Variants in TBCD observed in about 807,000 individuals in gnomAD.
TBCD encodes tubulin folding cofactor D.
In TBCD, 105 loss-of-function variants were observed where a neutral mutation model predicts 169.3. That is an observed-to-expected ratio of 0.62 (90% CI 0.53 to 0.73). The LOEUF is 0.73. Ranked by LOEUF, TBCD falls within the 30% of genes least tolerant of loss-of-function variation. The pLI is 0.00. For missense variants in TBCD, 1,444 were observed against 1,600.1 expected (o/e 0.90, Z 1.66); for synonymous variants, 700 against 643.9 (o/e 1.09, Z -1.32).
intron 13 of TBCD, among the ~76,000 whole-genome samples, chr17:82,828,385 T>TACAA (rs138156874): frequency 7.2e-6 from 1 of 139,526 alleles, no homozygotes; most frequent in South Asian, 2.4e-4. Flanking sequence ...CACTCACAGA[T>TACAA]ACATGCACAC....
At chr17:82,904,886 C>T (rs1370943814) in intron 19 of TBCD, among the ~76,000 whole-genome samples, 1 of 152,162 alleles carries the variant, frequency 6.6e-6, no homozygotes, top group African/African-American at 2.4e-5. Flanking sequence ...TTGTCCTCCA[C>T]CCGGTTGAAG....
intron 27 of TBCD, among the ~76,000 whole-genome samples, chr17:82,925,611 C>G (rs1291483096): frequency 6.6e-6 from 1 of 152,204 alleles, no homozygotes. Context: ...CCACGCCCTT[C>G]CCTCCCCATG....
chr17:82,786,821 CTTT>C (rs71168154), intron 7 of TBCD, among the ~76,000 whole-genome samples: 10,503 of 110,146 alleles, frequency 0.095, 1,139 homozygotes, highest in African/African-American at 0.28. Context: ...CGGTTCTTTA[CTTT>C]TTTTTTTTTT....
At chr17:82,855,012 G>A (rs1361990882) in intron 13 of TBCD, among the ~76,000 whole-genome samples, 1 of 152,114 alleles carries the variant, frequency 6.6e-6, no homozygotes, top group Admixed American at 6.5e-5. Context: ...GAATTCTGGG[G>A]AACAGAAGCA....
Position 82,767,963 on chromosome 17 carries a change from A to G in TBCD, c.436-457A>G, listed in dbSNP as rs115035133. Among the ~76,000 whole-genome samples the G allele has an allele frequency of 7.1e-3, 1,074 of 151,812 alleles. 14 individuals carry two copies. Among genetic ancestry groups the G allele is most frequent in the African/African-American group, 0.024 (977 of 41,398 alleles). ...AGCGAGACTCCATCTCAAAAAAAAA[A>G]AAAGGAACTCCTGACCTCAGGTGAT... On this transcript the variant is annotated intron_variant, in intron 4 of 38. Transcript: ENST00000355528.
intron 5 of TBCD, among the ~76,000 whole-genome samples, chr17:82,771,047 CAAAAAAAA>C (rs36015818): frequency 5.2e-5 from 2 of 38,692 alleles, no homozygotes; most frequent in Non-Finnish European, 1.3e-4. Context: ...GACTCCGTCT[CAAAAAAAA>C]AAAAAAAAAA....
chr17:82,916,400 G>A (rs1434419668), intron 23 of TBCD, among the ~76,000 whole-genome samples: 3 of 151,934 alleles, frequency 2.0e-5, no homozygotes, highest in African/African-American at 7.3e-5. Context: ...ATGCGCCACC[G>A]TGGCAGGCTA....
At chr17:82,935,955 G>A (rs923424002) in intron 34 of TBCD, among the ~76,000 whole-genome samples, 5 of 152,126 alleles carry the variant, frequency 3.3e-5, no homozygotes, top group Non-Finnish European at 7.4e-5. Context: ...ATTTTCAGAG[G>A]GTATATAGAA....
chr17:82,752,767 G>T (rs1442534295), intron 1 of TBCD, among the ~76,000 whole-genome samples: 1 of 152,248 alleles, frequency 6.6e-6, no homozygotes, highest in Non-Finnish European at 1.5e-5. Context: ...CAGCCCTGCA[G>T]TGTGGACTCC....
intron 34 of TBCD, among the ~76,000 whole-genome samples, chr17:82,934,990 G>T (rs2062499624): frequency 1.3e-5 from 2 of 152,152 alleles, no homozygotes; most frequent in Non-Finnish European, 2.9e-5. Context: ...CTTGGGCCTG[G>T]GAGGCGAAGG....
chr17:82,928,262 C>T (rs2061922988), intron 30 of TBCD, among the ~76,000 whole-genome samples: 1 of 152,180 alleles, frequency 6.6e-6, no homozygotes, highest in African/African-American at 2.4e-5. Flanking sequence ...GTGCTCTGGC[C>T]AGTTTGATGA....
intron 23 of TBCD, among the ~76,000 whole-genome samples, chr17:82,917,944 G>A (rs1226501586): frequency 1.3e-5 from 2 of 152,234 alleles, no homozygotes; most frequent in African/African-American, 4.8e-5. Flanking sequence ...GGCACTTCCT[G>A]TGTGTTTTCA....
chr17:82,847,977 C>T (rs542851720), intron 13 of TBCD, among the ~76,000 whole-genome samples: 5 of 152,298 alleles, frequency 3.3e-5, no homozygotes, highest in South Asian at 2.1e-4. Context: ...TTTTTTCAGA[C>T]GAGTGGGAGT....
chr17:82,753,649 T>G (rs898941366), intron 1 of TBCD, among the ~76,000 whole-genome samples: 2 of 147,884 alleles, frequency 1.4e-5, no homozygotes, highest in African/African-American at 5.0e-5. Context: ...AGAGGGGGTT[T>G]CACCATGTTG....
At position 82,930,405 on chromosome 17, in the gene TBCD, G is replaced by A. The variant is rs956360723; in HGVS notation, c.2992-117G>A. 3.1e-5 allele frequency: 45 copies of A among 1,431,400 alleles called. No individual in the cohort carries two copies. The highest frequency in any genetic ancestry group is 5.0e-5 in the East Asian group (2 of 40,148). The allele number at this position is 1,431,400 out of a possible 1,614,324, so 88.7% of individuals were successfully genotyped here. On this transcript the variant is annotated intron_variant, in intron 32 of 38. Transcript: ENST00000355528. This position sits in a 1 kb window ranked among gnomAD's most constrained non-coding sequence, Gnocchi z 5.2. ...CAGCCGCTTGGGGCCAGACCTTCGC[G>A]TCTCTGCAGCTCGGAGCAGTTCTGC... is the stretch of plus-strand genomic sequence containing the variant.
intron 22 of TBCD, among the ~76,000 whole-genome samples, chr17:82,910,649 C>T (rs1041980056): frequency 6.6e-6 from 1 of 151,996 alleles, no homozygotes; most frequent in African/African-American, 2.4e-5. Context: ...TCACTGCAAG[C>T]TCACCTCCCA....
chr17:82,796,646 C>A (rs1007048286), intron 7 of TBCD, among the ~76,000 whole-genome samples: 37 of 152,302 alleles, frequency 2.4e-4, no homozygotes, highest in African/African-American at 7.9e-4. Context: ...CTGTTTTGAT[C>A]GTAGGTGTGG....
chr17:82,878,069 C>G (rs1400833761), intron 14 of TBCD, among the ~76,000 whole-genome samples: 1 of 152,196 alleles, frequency 6.6e-6, no homozygotes, highest in Non-Finnish European at 1.5e-5. Context: ...TGGAGTTCTT[C>G]TAGACCCTCC....
In TBCD at chr17:82,863,013, G is replaced by A. The variant is rs545597907; in HGVS notation, c.1319-7211G>A. Among the ~76,000 whole-genome samples, 4 of 152,330 alleles carry A rather than the reference G, an allele frequency of 2.6e-5. No homozygotes were observed. The East Asian group carries it at 7.7e-4, about 29-fold the overall frequency. On this transcript the variant is annotated intron_variant, in intron 13 of 38. Coordinates refer to ENST00000355528, the MANE Select transcript of TBCD (RefSeq NM_005993.5). ...GAGGATTACTGGGTGGAATGTAGCC[G>A]TCCGCCTTTTGTGTTGACCTCTTGA...
Sources: allele counts gnomAD v4.1 joint callset (sites outside exome capture counted in the v4.1 genomes callset), GRCh38; gene constraint gnomAD v4.1.1; non-coding constraint Gnocchi (gnomAD v3.1); transcripts MANE v1.5; gene names NCBI Gene and HGNC (gene_info 2026-07-23, HGNC 2026-07-21).